Variants in PRKX observed in about 807,000 individuals in gnomAD.
PRKX encodes cAMP-dependent protein kinase catalytic subunit PRKX.
PRKX carries 12 observed loss-of-function variants against 22.0 expected under a neutral mutation model. That is an observed-to-expected ratio of 0.54 (90% CI 0.35 to 0.88). The LOEUF is 0.88. Among genes scored for constraint, PRKX ranks in the 40% least tolerant of loss-of-function variants. PRKX has a pLI of 0.01. For synonymous variants in PRKX, 134 were observed against 137.7 expected, an observed-to-expected ratio of 0.97 and a Z score of 0.19; for missense variants, 217 against 308.0, an observed-to-expected ratio of 0.70 and a Z score of 2.21.
chrX:3,627,392 TA>T (rs35645553), intron 4 of PRKX, among the ~76,000 whole-genome samples: 7,316 of 49,198 alleles, frequency 0.15, 554 homozygotes, highest in African/African-American at 0.33. Flanking sequence ...CAAAAAAAAT[TA>T]AAAAAAAAAA....
At chrX:3,653,723 C>A (rs1927393725) in intron 3 of PRKX, among the ~76,000 whole-genome samples, 1 of 56,525 alleles carries the variant, frequency 1.8e-5, no homozygotes, top group Non-Finnish European at 3.0e-5. Context: ...ATATAATATA[C>A]TATGTGATAT....
At chrX:3,633,262 A>C (rs186169233) in intron 4 of PRKX, among the ~76,000 whole-genome samples, 4 of 106,846 alleles carry the variant, frequency 3.7e-5, no homozygotes, top group East Asian at 2.9e-4. Context: ...AAAAGAAAAA[A>C]AAAAAAAACA....
intron 4 of PRKX, among the ~76,000 whole-genome samples, chrX:3,637,131 GGAAGGAAAGGA>G (rs1926907684): frequency 9.4e-6 from 1 of 106,798 alleles, no homozygotes; most frequent in Non-Finnish European, 1.9e-5. Context: ...GAAAGGAAAG[GGAAGGAAAGGA>G]AAGGGAAAAA....
chrX:3,608,417 T>C lies in PRKX; in HGVS notation c.*552A>G, dbSNP rs891759239. ...AAAATGCATGTGAGATGATTTTTTTTAATGCATGCAACATACCCTTCAGAT... is the reference window on the plus strand; with the variant it reads ...AAAATGCATGTGAGATGATTTTTTTCAATGCATGCAACATACCCTTCAGAT... On this transcript the variant is annotated 3_prime_UTR_variant, in exon 9 of 9. Transcript: ENST00000262848. 3.6e-5 allele frequency: 4 copies of C among 110,707 alleles called. No individual in the cohort carries two copies. Among genetic ancestry groups the C allele is most frequent in the Non-Finnish European group, 7.6e-5 (4 of 52,979 alleles). 9.1% of individuals were successfully genotyped at this position (110,707 alleles called of 1,213,427 possible).
At chrX:3,659,260 GAA>G (rs760217375) in intron 2 of PRKX, among the ~76,000 whole-genome samples, 3 of 85,515 alleles carry the variant, frequency 3.5e-5, no homozygotes, top group Non-Finnish European at 4.7e-5. Flanking sequence ...TTTCTAAAAG[GAA>G]AAAAAAAAAA....
intron 1 of PRKX, among the ~76,000 whole-genome samples, chrX:3,699,397 G>C (rs893967164): frequency 1.0e-4 from 11 of 110,330 alleles, no homozygotes; most frequent in African/African-American, 3.6e-4. Flanking sequence ...CTGTCACCCA[G>C]GCTGGAGTGC....
At chrX:3,680,759 G>A (rs1169381750) in intron 1 of PRKX, among the ~76,000 whole-genome samples, 1 of 111,888 alleles carries the variant, frequency 8.9e-6, no homozygotes, top group Non-Finnish European at 1.9e-5. Flanking sequence ...TTGGGGGCTG[G>A]GGGGAATCTA....
At chrX:3,661,596 G>GAA (rs11408481) in intron 2 of PRKX, among the ~76,000 whole-genome samples, 33 of 97,696 alleles carry the variant, frequency 3.4e-4, no homozygotes, top group Admixed American at 6.7e-4. Context: ...ACCCTATCTG[G>GAA]AAAAAAAAAA....
intron 1 of PRKX, among the ~76,000 whole-genome samples, chrX:3,685,990 G>A (rs1234703242): frequency 8.9e-6 from 1 of 112,036 alleles, no homozygotes; most frequent in Non-Finnish European, 1.9e-5. Flanking sequence ...AGGCTGCAAT[G>A]AGTGCCATGA....
At position 3,641,908 on chromosome X, in the gene PRKX, G is replaced by A. The variant is rs757450410; in HGVS notation, c.663C>T (p.His221=). 437 of 603,726 alleles carry A rather than the reference G, an allele frequency of 7.2e-4. No homozygotes were observed. Among genetic ancestry groups the A allele is most frequent in the Non-Finnish European group, 7.4e-4 (293 of 397,855 alleles). 49.8% of individuals were successfully genotyped at this position (603,726 alleles called of 1,213,427 possible). ...LAPEVIQSKG[H]GRAVDWWALG... is the part of the protein sequence containing the mutation. Reference sequence around the variant, plus strand: ...GGGCCCACCAGTCCACGGCCCTTCCGTGGCCCTTGCTCTGAATGACTTCGG... The same window carrying A: ...GGGCCCACCAGTCCACGGCCCTTCCATGGCCCTTGCTCTGAATGACTTCGG... Residue 221 remains histidine (H), a synonymous_variant, in exon 4 of 9, where the codon CAC becomes CAT. Transcript: ENST00000262848.
chrX:3,637,621 A>G (rs921666264), intron 4 of PRKX, among the ~76,000 whole-genome samples: 1 of 111,949 alleles, frequency 8.9e-6, no homozygotes, highest in African/African-American at 3.2e-5. Flanking sequence ...TCACCCAGAA[A>G]TAGACTCTAA....
intron 1 of PRKX, among the ~76,000 whole-genome samples, chrX:3,680,310 A>AT (rs1175045556): frequency 1.8e-5 from 2 of 110,437 alleles, no homozygotes; most frequent in African/African-American, 6.6e-5. Flanking sequence ...CGCCTGGCTA[A>AT]TTTTTGTATT....
chrX:3,683,574 C>A (rs945895798), intron 1 of PRKX, among the ~76,000 whole-genome samples: 2 of 112,124 alleles, frequency 1.8e-5, no homozygotes, highest in African/African-American at 3.2e-5. Context: ...GGGTGGCTCA[C>A]GCTTGTAAGT....
chrX:3,637,559 AC>A (rs1926918028), intron 4 of PRKX, among the ~76,000 whole-genome samples: 1 of 110,917 alleles, frequency 9.0e-6, no homozygotes, highest in South Asian at 3.8e-4. Flanking sequence ...CTCTCAAAAC[AC>A]CCACCCATGT....
In PRKX at chrX:3,628,060, T is replaced by A. The variant is rs773909771; in HGVS notation, c.720-1546A>T. Among the ~76,000 whole-genome samples, 130 of 111,602 alleles carry A rather than the reference T, an allele frequency of 1.2e-3. 1 individual carries two copies. The highest frequency in any genetic ancestry group is 4.0e-3 in the African/African-American group (123 of 30,798). Reference sequence around the variant, plus strand: ...GTATCTACACACAGTAGAATACTATTCAGCCATGAAAAGGAATACAATCCT... The same window carrying A: ...GTATCTACACACAGTAGAATACTATACAGCCATGAAAAGGAATACAATCCT... On this transcript the variant is annotated intron_variant, in intron 4 of 8. Transcript: ENST00000262848.
rs143358997 is a variant in PRKX, at chrX:3,679,707, C to T, written c.167-4941G>A. Among the ~76,000 whole-genome samples the T allele has an allele frequency of 1.0e-3, 114 of 112,126 alleles. 1 individual carries two copies. The East Asian group carries it at 0.027, about 26-fold the overall frequency. ...AAAGGACATGCACCCATTCTCATCC[C>T]AAATTTAGAAAAATCCCCAAATTCC... On this transcript the variant is annotated intron_variant, in intron 1 of 8. Transcript: ENST00000262848.
intron 6 of PRKX, among the ~76,000 whole-genome samples, chrX:3,618,626 A>T (rs1041578618): frequency 2.1e-5 from 2 of 94,389 alleles, no homozygotes; most frequent in Admixed American, 1.0e-4. Context: ...AATTTAAAAA[A>T]AAAATAAAAT....
intron 1 of PRKX, among the ~76,000 whole-genome samples, chrX:3,688,709 A>C (rs56136063): frequency 2.8e-5 from 3 of 108,391 alleles, no homozygotes; most frequent in African/African-American, 1.0e-4. Context: ...AAAAAAAAAA[A>C]TTTTTTTTAA....
chrX:3,708,962 C>A, intron 1 of PRKX, among the ~76,000 whole-genome samples: 1 of 109,675 alleles, frequency 9.1e-6, no homozygotes, highest in Non-Finnish European at 1.9e-5. Flanking sequence ...CTGGGTAAAA[C>A]TGCACAGAAC....
Sources: gnomAD v4.1 joint callset for allele counts (sites outside exome capture counted in the v4.1 genomes callset) on GRCh38, gnomAD v4.1.1 for gene constraint, MANE v1.5 for transcripts, NCBI Gene and HGNC (gene_info 2026-07-23, HGNC 2026-07-21) for gene names.